Variants in PDE4D observed in about 807,000 individuals in gnomAD.
The protein encoded by PDE4D is 3',5'-cyclic-AMP phosphodiesterase 4D.
Under a neutral mutation model 87.4 loss-of-function variants are expected in PDE4D, and 24 were observed. That is an observed-to-expected ratio of 0.27 (90% confidence interval 0.20 to 0.39). PDE4D has a LOEUF of 0.39. PDE4D is among the 10% of genes least tolerant of loss of function. The probability of loss-of-function intolerance (pLI) is 1.00; values close to 1 mark genes in which losing one functional copy is unlikely to be tolerated. For synonymous variants in PDE4D, 384 were observed against 383.2 expected, an observed-to-expected ratio of 1.00 and a Z score of -0.02; for missense variants, 714 against 1,041.0, an observed-to-expected ratio of 0.69 and a Z score of 4.32.
chr5:60,143,234 C>T (rs1203965704), intron 2 of PDE4D, among the ~76,000 whole-genome samples: 1 of 152,200 alleles, frequency 6.6e-6, no homozygotes, highest in African/African-American at 2.4e-5. Flanking sequence ...CTGCTGCATT[C>T]TCTGACATGT....
intron 1 of PDE4D, among the ~76,000 whole-genome samples, chr5:59,465,223 C>T (rs533982672): frequency 2.0e-5 from 3 of 152,284 alleles, no homozygotes; most frequent in South Asian, 4.1e-4. Flanking sequence ...AGTACTGTTT[C>T]CTACATCAGG....
intron 1 of PDE4D, among the ~76,000 whole-genome samples, chr5:59,563,073 CA>C (rs768932895): frequency 5.3e-5 from 8 of 152,180 alleles, no homozygotes; most frequent in Admixed American, 2.0e-4. Context: ...TTTGCTGAAT[CA>C]AACAGCATTG....
At chr5:59,945,236 C>T (rs1432197583) in intron 3 of PDE4D, among the ~76,000 whole-genome samples, 1 of 152,212 alleles carries the variant, frequency 6.6e-6, no homozygotes, top group East Asian at 1.9e-4. Flanking sequence ...TTGCCACAAA[C>T]TCTTCTACCA....
At chr5:59,799,076 CT>C (rs1766827958) in intron 1 of PDE4D, among the ~76,000 whole-genome samples, 1 of 152,152 alleles carries the variant, frequency 6.6e-6, no homozygotes, top group Admixed American at 6.5e-5. Flanking sequence ...AATTCCCTAT[CT>C]CATAAACAAT....
At chr5:60,126,052 T>A (rs1482152717) in intron 2 of PDE4D, among the ~76,000 whole-genome samples, 1 of 152,178 alleles carries the variant, frequency 6.6e-6, no homozygotes, top group Non-Finnish European at 1.5e-5. Flanking sequence ...AAAGGGCGTT[T>A]GACTATGATT....
At chr5:59,518,467 G>T (rs1281520592) in intron 1 of PDE4D, among the ~76,000 whole-genome samples, 1 of 152,138 alleles carries the variant, frequency 6.6e-6, no homozygotes, top group African/African-American at 2.4e-5. Flanking sequence ...GGCTGCCCAG[G>T]AGGAGGGGGG....
chr5:59,120,974 C>G (rs966381352), intron 5 of PDE4D, among the ~76,000 whole-genome samples: 2 of 152,098 alleles, frequency 1.3e-5, no homozygotes, highest in Non-Finnish European at 2.9e-5. Flanking sequence ...GAAAGGAGAT[C>G]TCTTCAATAA....
chr5:59,127,600 T>TCCCCACTC (rs1775609248), intron 5 of PDE4D, among the ~76,000 whole-genome samples: 1 of 97,002 alleles, frequency 1.0e-5, no homozygotes, highest in Non-Finnish European at 2.1e-5. Context: ...CTTCTTTCCC[T>TCCCCACTC]CCCCACCCCC....
chr5:59,687,741 G>C (rs1417679550), intron 1 of PDE4D, among the ~76,000 whole-genome samples: 1 of 152,072 alleles, frequency 6.6e-6, no homozygotes, highest in Non-Finnish European at 1.5e-5. Flanking sequence ...ATGTAAATGG[G>C]CTAAATGCTC....
chr5:58,977,869 TATTC>T (rs1744176405), intron 11 of PDE4D, among the ~76,000 whole-genome samples: 1 of 152,204 alleles, frequency 6.6e-6, no homozygotes, highest in Non-Finnish European at 1.5e-5. Context: ...GTCCAAGCTT[TATTC>T]ATTGTTTTCC....
Position 59,985,149 on chromosome 5 carries a change from TTTA to T in PDE4D, c.272+3336_272+3338del, listed in dbSNP as rs1406304567. ...GTTTTTTGTTTTTTGTTTTTTGTTTTTTATTTTGAGACAGAGTCTCACTCTGTC... is the reference window on the plus strand; with the variant it reads ...GTTTTTTGTTTTTTGTTTTTTGTTTTTTTTGAGACAGAGTCTCACTCTGTC... On this transcript the variant is annotated intron_variant, in intron 3 of 16. Transcript: ENST00000502484. Among the ~76,000 whole-genome samples, 21 of 129,140 alleles carry T rather than the reference TTTA, an allele frequency of 1.6e-4. 4 individuals carry two copies. The highest frequency in any genetic ancestry group is 1.4e-3 in the East Asian group (4 of 2,914). The allele number at this position is 129,140 out of a possible 152,430, so 84.7% of individuals were successfully genotyped here. A position where few individuals can be genotyped will look rare whatever the true frequency, so the allele number is the denominator to read the frequency against.
chr5:58,983,723 T>C (rs1474432691), intron 11 of PDE4D, among the ~76,000 whole-genome samples: 1 of 152,206 alleles, frequency 6.6e-6, no homozygotes, highest in Admixed American at 6.5e-5. Flanking sequence ...ATGTGGCCCA[T>C]GTGCAGAGCA....
intron 1 of PDE4D, among the ~76,000 whole-genome samples, chr5:60,300,481 A>G (rs189596811): frequency 6.6e-5 from 10 of 152,136 alleles, no homozygotes; most frequent in Admixed American, 2.6e-4. Context: ...GCCTGTACCT[A>G]TGTCCTGAAT....
chr5:59,578,062 T>C (rs952209590), intron 1 of PDE4D, among the ~76,000 whole-genome samples: 12 of 152,180 alleles, frequency 7.9e-5, no homozygotes, highest in African/African-American at 2.7e-4. Flanking sequence ...TACATATATA[T>C]GGATTTGTGA....
chr5:59,287,509 A>G (rs2153553130), intron 1 of PDE4D, among the ~76,000 whole-genome samples: 1 of 152,238 alleles, frequency 6.6e-6, no homozygotes. Flanking sequence ...AGGGAAGGAT[A>G]CAAGCCTGGC....
intron 1 of PDE4D, among the ~76,000 whole-genome samples, chr5:59,889,473 C>T (rs1315363191): frequency 6.6e-6 from 1 of 151,452 alleles, no homozygotes; most frequent in Non-Finnish European, 1.5e-5. Context: ...AGAGCGAGAC[C>T]CAGTCTCTAA....
intron 6 of PDE4D, among the ~76,000 whole-genome samples, chr5:58,998,592 T>TCC (rs1413254404): frequency 2.6e-5 from 4 of 152,204 alleles, no homozygotes; most frequent in African/African-American, 9.6e-5. Flanking sequence ...TTCTAATTTT[T>TCC]TTAGAATTCA....
intron 1 of PDE4D, chr5:59,586,370 C>T: frequency 6.2e-7 from 1 of 1,612,730 alleles, no homozygotes; most frequent in Non-Finnish European, 8.5e-7. Flanking sequence ...TATTCACGTG[C>T]ATCATGTTCG....
chr5:58,997,683 G>GT (rs1749549639), intron 6 of PDE4D, among the ~76,000 whole-genome samples: 1 of 151,992 alleles, frequency 6.6e-6, no homozygotes, highest in Admixed American at 6.6e-5. Context: ...AAAAAAACGG[G>GT]AGGATTTCTA....
Sources: gnomAD v4.1 joint callset for allele counts (sites outside exome capture counted in the v4.1 genomes callset) on GRCh38, gnomAD v4.1.1 for gene constraint, MANE v1.5 for transcripts, NCBI Gene and HGNC (gene_info 2026-07-23, HGNC 2026-07-21) for gene names.